The following AIM2 variants were observed in gnomAD, a reference collection of about 807,000 sequenced individuals.
The protein encoded by AIM2 is interferon-inducible protein AIM2.
A neutral mutation model predicts 27.7 loss-of-function variants in AIM2; 30 were observed. The observed-to-expected ratio is 1.08, with a 90% confidence interval of 0.81 to 1.47. The LOEUF (loss-of-function observed/expected upper bound fraction) is 1.47. AIM2 is among the 40% of genes most tolerant of loss of function. The pLI, the probability that AIM2 is intolerant of heterozygous loss-of-function variation, is 0.00. For synonymous variants in AIM2, 141 were observed against 145.3 expected, an observed-to-expected ratio of 0.97 and a Z score of 0.21; for missense variants, 358 against 411.3, an observed-to-expected ratio of 0.87 and a Z score of 1.12.
At chr1:159,105,417 G>C (rs554768967) in intron 1 of AIM2, among the ~76,000 whole-genome samples, 1 of 152,176 alleles carries the variant, frequency 6.6e-6, no homozygotes, top group Non-Finnish European at 1.5e-5. Context: ...GAGTGGGGGG[G>C]CATGTTTCTG....
Position 159,073,346 on chromosome 1 carries a change from T to C in AIM2, c.154A>G (p.Met52Val). ...TANRIQVATL[M>V]IQNAGAVSAV... Reference sequence around the variant, plus strand: ...GACACCGCCCCAGCATTTTGAATCATCAAGGTAGCTACTTGTATTCTGTTT... The same window carrying C: ...GACACCGCCCCAGCATTTTGAATCACCAAGGTAGCTACTTGTATTCTGTTT... The change falls in exon 2 of 6, where the codon ATG (methionine) becomes GTG (valine). Residue 52 changes from methionine (M) to valine (V), a missense_variant. Met to Val is a conservative substitution (Grantham distance 21). Transcript: ENST00000368130. 6.2e-7 allele frequency: 1 copy of C among 1,614,244 alleles called. No individual in the cohort carries two copies. The highest frequency in any genetic ancestry group is 1.7e-5 in the Admixed American group (1 of 60,024).
chr1:159,109,301 A>G (rs909379527), intron 1 of AIM2, among the ~76,000 whole-genome samples: 5 of 152,222 alleles, frequency 3.3e-5, no homozygotes, highest in African/African-American at 1.2e-4. Flanking sequence ...AAAAACACAA[A>G]GTGGGGAAAG....
intron 1 of AIM2, chr1:159,132,412 A>G (rs984682917): frequency 6.6e-6 from 1 of 152,138 alleles, no homozygotes; most frequent in Non-Finnish European, 1.5e-5. Context: ...TTTACCAAGA[A>G]AAAAGATATT....
In AIM2 at chr1:159,117,019, GT is replaced by G. The variant is rs1647375751; in HGVS notation, c.-16+23411del. ...ATTTGACTATCAAGTTATTTTTTGT[GT>G]TATTTTAGTGAGAGTTGTTTCAGAA... On this transcript the variant is annotated intron_variant, in intron 1 of 2. Coordinates refer to the AIM2 transcript ENST00000368129. Among the ~76,000 whole-genome samples, 6 of 152,180 alleles carry G rather than the reference GT, an allele frequency of 3.9e-5. No homozygotes were observed. In the South Asian group the frequency reaches 1.2e-3, roughly 32 times the overall value.
intron 1 of AIM2, among the ~76,000 whole-genome samples, chr1:159,086,787 C>T (rs1656923884): frequency 6.6e-6 from 1 of 152,144 alleles, no homozygotes; most frequent in African/African-American, 2.4e-5. Flanking sequence ...GTCCCTAATC[C>T]TAGAAGGTGT....
chr1:159,132,036 G>A (rs1321999589), intron 1 of AIM2, among the ~76,000 whole-genome samples: 3 of 151,916 alleles, frequency 2.0e-5, no homozygotes, highest in Non-Finnish European at 4.4e-5. Flanking sequence ...CTTCATGGGG[G>A]CAAATGCTGT....
chr1:159,142,962 C>T (rs1648140558), upstream of AIM2, among the ~76,000 whole-genome samples: 1 of 152,186 alleles, frequency 6.6e-6, no homozygotes, highest in South Asian at 2.1e-4. Flanking sequence ...AGGGAGCCAA[C>T]TCAGATATCC....
At chr1:159,142,766 C>T (rs961303292), upstream of AIM2, among the ~76,000 whole-genome samples, 9 of 152,198 alleles carry the variant, frequency 5.9e-5, no homozygotes, top group African/African-American at 2.2e-4. Context: ...TTTATAATTT[C>T]CACTGAGCCC....
At position 159,070,131 on chromosome 1, in the gene AIM2, TG is replaced by T. The variant is rs1656287243; in HGVS notation, c.263-1431del. ...CTTATGTTAATGCTCCTTTGACACA[TG>T]CTGCTGAAGAACCATCTTCCTTTCC... On this transcript the variant is annotated intron_variant, in intron 2 of 5. Coordinates refer to ENST00000368130, the MANE Select transcript of AIM2 (RefSeq NM_004833.3). Among the ~76,000 whole-genome samples the T allele has an allele frequency of 2.6e-5, 4 of 152,350 alleles. No individual in the cohort carries two copies. In the South Asian group the frequency reaches 8.3e-4, roughly 32 times the overall value.
chr1:159,104,492 ATATAC>A (rs1657384583), intron 1 of AIM2, among the ~76,000 whole-genome samples: 1 of 152,252 alleles, frequency 6.6e-6, no homozygotes, highest in Non-Finnish European at 1.5e-5. Context: ...TATGAAATCT[ATATAC>A]TAATGAAATA....
chr1:159,060,503 A>G (rs77100769), downstream of AIM2, among the ~76,000 whole-genome samples: 163 of 152,342 alleles, frequency 1.1e-3, 1 homozygote, highest in East Asian at 0.03. Context: ...ACAAAAGTTA[A>G]GATAGAGAAT....
chr1:159,134,385 G>A (rs576590179), intron 1 of AIM2, among the ~76,000 whole-genome samples: 1 of 152,292 alleles, frequency 6.6e-6, no homozygotes, highest in Admixed American at 6.5e-5. Context: ...GTTATTCTTT[G>A]GCTTAAAATC....
intron 1 of AIM2, among the ~76,000 whole-genome samples, chr1:159,136,595 C>T (rs1648013320): frequency 6.6e-6 from 1 of 152,186 alleles, no homozygotes; most frequent in African/African-American, 2.4e-5. Context: ...AGAATCATCA[C>T]TGAACAATAT....
intron 1 of AIM2, among the ~76,000 whole-genome samples, chr1:159,107,568 A>T (rs1359074579): frequency 6.6e-6 from 1 of 152,204 alleles, no homozygotes; most frequent in East Asian, 1.9e-4. Context: ...GAGCACACCC[A>T]TGACTAAATG....
intron 1 of AIM2, among the ~76,000 whole-genome samples, chr1:159,135,317 C>A (rs1360347893): frequency 6.6e-6 from 1 of 152,150 alleles, no homozygotes; most frequent in Non-Finnish European, 1.5e-5. Context: ...TAATATAGTT[C>A]TGTGCTTTTA....
chr1:159,095,393 A>C (rs1222872429), intron 1 of AIM2, among the ~76,000 whole-genome samples: 1 of 152,230 alleles, frequency 6.6e-6, no homozygotes, highest in African/African-American at 2.4e-5. Flanking sequence ...TAGTGGTTGC[A>C]TGTACTTGAG....
chr1:159,131,873 G>A (rs908879042), intron 1 of AIM2, among the ~76,000 whole-genome samples: 1 of 152,172 alleles, frequency 6.6e-6, no homozygotes, highest in African/African-American at 2.4e-5. Flanking sequence ...GATCATGGAT[G>A]AGATTTACAG....
intron 1 of AIM2, among the ~76,000 whole-genome samples, chr1:159,104,568 A>G (rs1328307450): frequency 2.0e-5 from 3 of 152,226 alleles, no homozygotes; most frequent in Admixed American, 6.5e-5. Context: ...TACACATCAG[A>G]CTTCAAAGAC....
At chr1:159,142,006 T>C (rs996649610), upstream of AIM2, among the ~76,000 whole-genome samples, 1 of 152,202 alleles carries the variant, frequency 6.6e-6, no homozygotes, top group African/African-American at 2.4e-5. Flanking sequence ...ATTCTCATGC[T>C]AATTAAGCAG....
Sources: allele counts gnomAD v4.1 joint callset (sites outside exome capture counted in the v4.1 genomes callset), GRCh38; gene constraint gnomAD v4.1.1; transcripts MANE v1.5; gene names NCBI Gene and HGNC (gene_info 2026-07-23, HGNC 2026-07-21).